The following GABRG3 variants were observed in gnomAD, a reference collection of about 807,000 sequenced individuals.
GABRG3 encodes gamma-aminobutyric acid receptor subunit gamma-3.
A neutral mutation model predicts 48.8 loss-of-function variants in GABRG3; 25 were observed. The observed-to-expected ratio is 0.51, with a 90% CI of 0.37 to 0.72. The LOEUF (loss-of-function observed/expected upper bound fraction) is 0.72. Among genes scored for constraint, GABRG3 ranks in the 30% least tolerant of loss-of-function variants. GABRG3 has a pLI of 0.00. For synonymous variants in GABRG3, 227 were observed against 217.6 expected (o/e 1.04, Z -0.38); for missense variants, 394 against 577.9 (o/e 0.68, Z 3.26).
intron 3 of GABRG3, among the ~76,000 whole-genome samples, chr15:27,217,032 G>A (rs1889281723): frequency 6.8e-6 from 1 of 146,430 alleles, no homozygotes; most frequent in Non-Finnish European, 1.5e-5. Context: ...GCGGTGTTTG[G>A]TTTTTTGTTA....
At chr15:27,213,005 C>T (rs1889123172) in intron 3 of GABRG3, among the ~76,000 whole-genome samples, 1 of 152,226 alleles carries the variant, frequency 6.6e-6, no homozygotes, top group African/African-American at 2.4e-5. Flanking sequence ...GTCTCCTGGC[C>T]ATTCATACTT....
intron 3 of GABRG3, among the ~76,000 whole-genome samples, chr15:27,237,973 T>C (rs1890025668): frequency 6.6e-6 from 1 of 152,190 alleles, no homozygotes; most frequent in Non-Finnish European, 1.5e-5. Flanking sequence ...AATACTGTTA[T>C]TATGTCTGGG....
At chr15:27,344,915 T>C (rs1317129310) in intron 5 of GABRG3, among the ~76,000 whole-genome samples, 2 of 152,286 alleles carry the variant, frequency 1.3e-5, no homozygotes, top group East Asian at 3.9e-4. Flanking sequence ...TTTTGTCTTC[T>C]TGGAGAATTA....
At chr15:27,500,199 CAG>C (rs1223043659) in intron 6 of GABRG3, among the ~76,000 whole-genome samples, 2 of 152,102 alleles carry the variant, frequency 1.3e-5, no homozygotes, top group African/African-American at 2.4e-5. Flanking sequence ...GCAGGGAAGA[CAG>C]GGGATAGTGA....
At chr15:27,239,822 T>G (rs1890082136) in intron 3 of GABRG3, among the ~76,000 whole-genome samples, 1 of 152,222 alleles carries the variant, frequency 6.6e-6, no homozygotes, top group African/African-American at 2.4e-5. Flanking sequence ...ATTTATAAAT[T>G]CCTCTAATAT....
chr15:27,491,259 A>G (rs894137353), intron 6 of GABRG3, among the ~76,000 whole-genome samples: 2 of 152,114 alleles, frequency 1.3e-5, no homozygotes, highest in African/African-American at 2.4e-5. Context: ...TCCCCTTCCC[A>G]GAGGGTATCC....
At chr15:27,193,492 C>T (rs1045298492) in intron 3 of GABRG3, among the ~76,000 whole-genome samples, 31 of 151,226 alleles carry the variant, frequency 2.0e-4, no homozygotes, top group East Asian at 3.9e-4. Context: ...TAGCAATCAG[C>T]GAGACTCCGT....
chr15:27,516,085 A>T (rs1016339266), intron 6 of GABRG3, among the ~76,000 whole-genome samples: 4 of 151,240 alleles, frequency 2.6e-5, no homozygotes, highest in Non-Finnish European at 5.9e-5. Context: ...ACAAGATGTT[A>T]TCTAGCAGCC....
chr15:27,240,157 A>T (rs1890091441), intron 3 of GABRG3, among the ~76,000 whole-genome samples: 1 of 152,184 alleles, frequency 6.6e-6, no homozygotes, highest in South Asian at 2.1e-4. Flanking sequence ...GATCATCGTG[A>T]CTCTCTTTCT....
At chr15:27,270,967 G>A (rs532524612) in intron 3 of GABRG3, among the ~76,000 whole-genome samples, 20 of 152,338 alleles carry the variant, frequency 1.3e-4, no homozygotes, top group Non-Finnish European at 2.5e-4. Context: ...TTCTTTGGGG[G>A]AATGGGTGGC....
chr15:27,500,414 C>T (rs972881954), intron 6 of GABRG3, among the ~76,000 whole-genome samples: 7 of 151,222 alleles, frequency 4.6e-5, no homozygotes, highest in African/African-American at 9.7e-5. Flanking sequence ...TTTCCCACCG[C>T]GACTCCACCG....
chr15:27,301,172 A>G (rs972314752), intron 3 of GABRG3, among the ~76,000 whole-genome samples: 59 of 152,324 alleles, frequency 3.9e-4, no homozygotes, highest in African/African-American at 1.4e-3. Context: ...AGTTCTTGTC[A>G]TCGAAGAAGG....
chr15:27,074,607 A>G lies in GABRG3; in HGVS notation c.270+47786A>G, dbSNP rs75083093. The stretch of plus-strand genomic sequence containing the variant: ...AGCCCATCCTGGAACCTTTATCAAG[A>G]ACCTACTCTGTGTGAATATATTCCA... On this transcript the variant is annotated intron_variant, in intron 3 of 9. Transcript: ENST00000615808. Among the ~76,000 whole-genome samples the G allele has an allele frequency of 3.8e-3, 571 of 151,518 alleles. 12 individuals are homozygous for G. In the East Asian group the frequency reaches 0.049, roughly 13 times the overall value.
intron 6 of GABRG3, among the ~76,000 whole-genome samples, chr15:27,491,908 C>T (rs568754611): frequency 1.3e-5 from 2 of 152,256 alleles, no homozygotes; most frequent in African/African-American, 4.8e-5. Context: ...TCTTATTACC[C>T]CATATGCCCA....
intron 6 of GABRG3, among the ~76,000 whole-genome samples, chr15:27,497,916 A>T (rs567105520): frequency 6.6e-6 from 1 of 152,334 alleles, no homozygotes; most frequent in African/African-American, 2.4e-5. Context: ...TGACAAAGGT[A>T]ATCATCTGCA....
At chr15:27,214,827 T>C (rs1040378854) in intron 3 of GABRG3, among the ~76,000 whole-genome samples, 1 of 152,114 alleles carries the variant, frequency 6.6e-6, no homozygotes, top group Non-Finnish European at 1.5e-5. Context: ...GTGAGACTCA[T>C]CTCCTTCTTT....
At position 27,306,269 on chromosome 15, in the gene GABRG3, CAT is replaced by C. The variant is rs1429806788; in HGVS notation, c.271-20534_271-20533del. On this transcript the variant is annotated intron_variant, in intron 3 of 9. Coordinates refer to ENST00000615808, the MANE Select transcript of GABRG3 (RefSeq NM_033223.5). ...TAATATAAACATGTCTATATGTAAA[CAT>C]ATATAACATAAACATGTCTATATAT... Among the ~76,000 whole-genome samples the C allele has an allele frequency of 1.3e-3, 182 of 136,974 alleles. 8 individuals are homozygous for C. The highest frequency in any genetic ancestry group is 3.7e-3 in the African/African-American group (138 of 37,020). The allele number at this position is 136,974 out of a possible 152,430, so 89.9% of individuals were successfully genotyped here. A position where few individuals can be genotyped will look rare whatever the true frequency, so the allele number is the denominator to read the frequency against.
intron 2 of GABRG3, among the ~76,000 whole-genome samples, chr15:26,999,173 A>T (rs1469913021): frequency 6.6e-6 from 1 of 152,072 alleles, no homozygotes; most frequent in Admixed American, 6.5e-5. Context: ...ATACAATAAA[A>T]ATAATACAAA....
chr15:27,345,999 A>C (rs1277773164), intron 5 of GABRG3, among the ~76,000 whole-genome samples: 1 of 149,820 alleles, frequency 6.7e-6, no homozygotes, highest in East Asian at 2.0e-4. Context: ...GGTTTCAGTG[A>C]GCCAAGATTG....
Sources: gnomAD v4.1 joint callset for allele counts (sites outside exome capture counted in the v4.1 genomes callset) on GRCh38, gnomAD v4.1.1 for gene constraint, MANE v1.5 for transcripts, NCBI Gene and HGNC (gene_info 2026-07-23, HGNC 2026-07-21) for gene names.